SGCZ: variants seen among roughly 807,000 people sequenced by gnomAD.
SGCZ encodes zeta-sarcoglycan.
Under a neutral mutation model 41.3 loss-of-function variants are expected in SGCZ, and 40 were observed. That is an observed-to-expected ratio of 0.97 (90% CI 0.75 to 1.26). The LOEUF (loss-of-function observed/expected upper bound fraction) is 1.26. Among genes scored for constraint, SGCZ ranks in the 50% most tolerant of loss-of-function variants. The pLI, the probability that SGCZ is intolerant of heterozygous loss-of-function variation, is 0.00. For missense variants in SGCZ, 552 were observed against 369.8 expected, an observed-to-expected ratio of 1.49 and a Z score of -4.04; for synonymous variants, 206 against 137.5, an observed-to-expected ratio of 1.50 and a Z score of -3.49.
chr8:14,846,557 T>A (rs534495372), intron 1 of SGCZ, among the ~76,000 whole-genome samples: 1 of 152,140 alleles, frequency 6.6e-6, no homozygotes, highest in South Asian at 2.1e-4. Flanking sequence ...TTTATACCAA[T>A]ATGTTTGACA....
chr8:14,682,637 T>C (rs972782095), intron 1 of SGCZ, among the ~76,000 whole-genome samples: 1 of 152,114 alleles, frequency 6.6e-6, no homozygotes, highest in East Asian at 1.9e-4. Flanking sequence ...GATTTCACTG[T>C]GTTAGCCAGG....
intron 1 of SGCZ, among the ~76,000 whole-genome samples, chr8:14,567,669 G>T (rs1261218222): frequency 2.0e-5 from 3 of 152,118 alleles, no homozygotes; most frequent in Non-Finnish European, 4.4e-5. Flanking sequence ...TTCGCTCTTT[G>T]CAATAAGTCT....
intron 2 of SGCZ, among the ~76,000 whole-genome samples, chr8:14,353,772 C>G (rs1295016241): frequency 6.6e-6 from 1 of 151,916 alleles, no homozygotes; most frequent in Non-Finnish European, 1.5e-5. Context: ...ATTTTACCAA[C>G]CTGTTTAAAA....
intron 1 of SGCZ, among the ~76,000 whole-genome samples, chr8:14,901,064 T>C (rs562287585): frequency 1.3e-5 from 2 of 152,324 alleles, no homozygotes; most frequent in South Asian, 2.1e-4. Flanking sequence ...AAAGAATGCT[T>C]ACTCAAAGGA....
At chr8:15,171,596 C>T (rs1799832399) in intron 1 of SGCZ, among the ~76,000 whole-genome samples, 1 of 152,194 alleles carries the variant, frequency 6.6e-6, no homozygotes, top group African/African-American at 2.4e-5. Flanking sequence ...GTTCAGATTT[C>T]TCTGCAGCCA....
chr8:14,918,639 C>T (rs903400105), intron 1 of SGCZ, among the ~76,000 whole-genome samples: 11 of 152,172 alleles, frequency 7.2e-5, no homozygotes, highest in African/African-American at 2.7e-4. Context: ...TACATTCTCA[C>T]TGAAACTTTC....
chr8:14,290,269 T>C (rs1800793810), intron 3 of SGCZ, among the ~76,000 whole-genome samples: 1 of 152,050 alleles, frequency 6.6e-6, no homozygotes, highest in South Asian at 2.1e-4. Flanking sequence ...TTCCATAACA[T>C]TGGTCTAGGC....
intron 5 of SGCZ, among the ~76,000 whole-genome samples, chr8:14,109,024 A>C (rs1802294044): frequency 6.6e-6 from 1 of 152,168 alleles, no homozygotes. Context: ...TTTTAAAGAC[A>C]AACCCTCATA....
rs948755103 is a variant in SGCZ at position 14,989,995 on chromosome 8, T to C, written c.39+247590A>G. The stretch of plus-strand genomic sequence containing the variant: ...GAGGTACGCATGACTGAGGCACTAT[T>C]AATAAAATAGCTGCCTACATTTTAA... On this transcript the variant is annotated intron_variant, in intron 1 of 7. Coordinates refer to ENST00000382080, the MANE Select transcript of SGCZ (RefSeq NM_139167.4). Among the ~76,000 whole-genome samples the C allele has an allele frequency of 7.2e-5, 11 of 152,082 alleles. 1 individual carries two copies. In the South Asian group the frequency reaches 1.0e-3, roughly 14 times the overall value.
intron 2 of SGCZ, among the ~76,000 whole-genome samples, chr8:14,443,997 T>C (rs553093083): frequency 2.0e-3 from 298 of 151,618 alleles, no homozygotes; most frequent in East Asian, 8.6e-3. Context: ...AAAAAGTGGG[T>C]GAAGGATATG....
At chr8:14,388,808 TTAAAA>T (rs1434934209) in intron 2 of SGCZ, among the ~76,000 whole-genome samples, 1 of 148,274 alleles carries the variant, frequency 6.7e-6, no homozygotes, top group Non-Finnish European at 1.5e-5. Context: ...ACTCCTGAAC[TTAAAA>T]TAAAAGCTCA....
At chr8:14,509,309 C>T (rs561522377) in intron 2 of SGCZ, among the ~76,000 whole-genome samples, 31 of 152,178 alleles carry the variant, frequency 2.0e-4, no homozygotes, top group African/African-American at 5.8e-4. Flanking sequence ...GTTCAGCTAA[C>T]GCAAATAAAA....
intron 1 of SGCZ, among the ~76,000 whole-genome samples, chr8:15,007,559 G>A (rs1218549980): frequency 6.6e-6 from 1 of 152,134 alleles, no homozygotes; most frequent in Admixed American, 6.5e-5. Flanking sequence ...GCATATCTGT[G>A]TTTCTCAATC....
chr8:14,582,998 A>C (rs1280850938), intron 1 of SGCZ, among the ~76,000 whole-genome samples: 4 of 151,646 alleles, frequency 2.6e-5, no homozygotes, highest in Admixed American at 1.3e-4. Flanking sequence ...TAGCAGCATG[A>C]TTTATAGTCC....
intron 1 of SGCZ, among the ~76,000 whole-genome samples, chr8:15,065,842 G>T (rs1023551440): frequency 6.6e-6 from 1 of 152,062 alleles, no homozygotes; most frequent in Non-Finnish European, 1.5e-5. Context: ...CTTAGCACGT[G>T]GTAGGGCCTT....
chr8:14,723,004 T>C (rs1563226270), intron 1 of SGCZ, among the ~76,000 whole-genome samples: 1 of 152,200 alleles, frequency 6.6e-6, no homozygotes, highest in African/African-American at 2.4e-5. Flanking sequence ...CAGATTCTAA[T>C]TTCAAGCTCC....
intron 1 of SGCZ, among the ~76,000 whole-genome samples, chr8:14,576,660 G>C (rs1804720841): frequency 6.6e-6 from 1 of 152,166 alleles, no homozygotes; most frequent in Non-Finnish European, 1.5e-5. Context: ...TCATGCACTT[G>C]CTCTTTAGAA....
At chr8:14,377,702 T>G (rs531861240) in intron 2 of SGCZ, among the ~76,000 whole-genome samples, 8 of 138,126 alleles carry the variant, frequency 5.8e-5, no homozygotes, top group Non-Finnish European at 9.3e-5. Flanking sequence ...ACAACAGTCC[T>G]CAGAGTGTGA....
chr8:14,980,297 C>T (rs1801619089), intron 1 of SGCZ, among the ~76,000 whole-genome samples: 3 of 152,160 alleles, frequency 2.0e-5, no homozygotes, highest in Non-Finnish European at 4.4e-5. Flanking sequence ...CAGAGGAAGG[C>T]AGAGTAACAA....
Sources: allele counts gnomAD v4.1 joint callset (sites outside exome capture counted in the v4.1 genomes callset), GRCh38; gene constraint gnomAD v4.1.1; transcripts MANE v1.5; gene names NCBI Gene and HGNC (gene_info 2026-07-23, HGNC 2026-07-21).